SCN11A: variants seen among roughly 807,000 people sequenced by gnomAD.
The protein encoded by SCN11A is sodium channel protein type 11 subunit alpha.
Under a neutral mutation model 162.2 loss-of-function variants are expected in SCN11A, and 122 were observed. That is an observed-to-expected ratio of 0.75 (90% confidence interval 0.65 to 0.87). The LOEUF (loss-of-function observed/expected upper bound fraction) is 0.87. Among genes scored for constraint, SCN11A ranks in the 40% least tolerant of loss-of-function variants. The probability of loss-of-function intolerance (pLI) is 0.00; values close to 1 mark genes in which losing one functional copy is unlikely to be tolerated. For synonymous variants in SCN11A, 758 were observed against 751.5 expected (o/e 1.01, Z -0.14); for missense variants, 2,015 against 2,181.6 (o/e 0.92, Z 1.52).
At chr3:38,879,487 T>C (rs1575237544) in intron 23 of SCN11A, among the ~76,000 whole-genome samples, 2 of 152,182 alleles carry the variant, frequency 1.3e-5, no homozygotes, top group Non-Finnish European at 2.9e-5. Flanking sequence ...ATTCAGAACA[T>C]TGTCATGCAT....
chr3:38,964,984 A>T (rs1181234218), intron 2 of SCN11A, among the ~76,000 whole-genome samples: 2 of 152,228 alleles, frequency 1.3e-5, no homozygotes, highest in African/African-American at 4.8e-5. Context: ...GTGTAGGATG[A>T]GTGCCGCTTA....
intron 22 of SCN11A, among the ~76,000 whole-genome samples, chr3:38,882,897 G>A (rs898925692): frequency 6.6e-5 from 10 of 152,274 alleles, no homozygotes; most frequent in Middle Eastern, 3.4e-3. Context: ...TAGAAGCACT[G>A]CTGTCTAGAG....
rs927662991 is a variant in SCN11A at position 38,994,357 on chromosome 3, T to A, written c.-279-33934A>T. Among the ~76,000 whole-genome samples the A allele has an allele frequency of 1.1e-4, 17 of 152,098 alleles. 1 individual carries two copies. The highest frequency in any genetic ancestry group is 1.1e-3 in the Admixed American group (17 of 15,262). On this transcript the variant is annotated intron_variant, in intron 2 of 29. Coordinates refer to ENST00000302328, the MANE Select transcript of SCN11A (RefSeq NM_001349253.2). ...AGGATACTGAGCGTCACATTTAAGGTGAAATGCTGGACTAGCATAGGAAAT... is the reference window on the plus strand; with the variant it reads ...AGGATACTGAGCGTCACATTTAAGGAGAAATGCTGGACTAGCATAGGAAAT...
At chr3:38,963,384 T>TCC (rs2066756752) in intron 2 of SCN11A, among the ~76,000 whole-genome samples, 1 of 77,286 alleles carries the variant, frequency 1.3e-5, no homozygotes, top group Non-Finnish European at 2.3e-5. Context: ...TATATATATA[T>TCC]ATGATGGAGA....
At chr3:38,917,358 T>A (rs569979499) in intron 11 of SCN11A, among the ~76,000 whole-genome samples, 1 of 152,202 alleles carries the variant, frequency 6.6e-6, no homozygotes, top group Non-Finnish European at 1.5e-5. Flanking sequence ...TAAAGACACA[T>A]GCAAGTGAAA....
chr3:38,992,766 T>G (rs138102860), intron 2 of SCN11A, among the ~76,000 whole-genome samples: 1 of 152,332 alleles, frequency 6.6e-6, no homozygotes, highest in African/African-American at 2.4e-5. Context: ...GTCAAGTAAC[T>G]TGCCAAGCAT....
intron 1 of SCN11A, among the ~76,000 whole-genome samples, chr3:39,049,660 T>C (rs574095184): frequency 1.1e-4 from 16 of 152,300 alleles, no homozygotes; most frequent in African/African-American, 3.8e-4. Flanking sequence ...GCCATTGCCA[T>C]TGCCATTTAT....
chr3:38,998,752 T>C (rs2030719311), intron 2 of SCN11A, among the ~76,000 whole-genome samples: 1 of 151,962 alleles, frequency 6.6e-6, no homozygotes, highest in African/African-American at 2.4e-5. Flanking sequence ...TTCATGTCCT[T>C]TGTAGGGACA....
At chr3:38,997,012 A>C (rs2125596653) in intron 2 of SCN11A, among the ~76,000 whole-genome samples, 1 of 152,248 alleles carries the variant, frequency 6.6e-6, no homozygotes, top group East Asian at 1.9e-4. Flanking sequence ...CAGTTACCAC[A>C]AGTGGCCTCC....
At chr3:38,920,131 C>T (rs1559532098) in intron 10 of SCN11A, 130 bp from the exon 11 acceptor site, 5 of 690,738 alleles carry the variant, frequency 7.2e-6, no homozygotes, top group South Asian at 5.8e-5. Flanking sequence ...GGAGGTGTGT[C>T]CAGAGAGAAA....
intron 19 of SCN11A, among the ~76,000 whole-genome samples, chr3:38,887,448 A>AG (rs1166013985): frequency 7.8e-5 from 6 of 76,454 alleles, no homozygotes; most frequent in Non-Finnish European, 1.5e-4. Context: ...GGGTGGGGGG[A>AG]GGGGGGAGGG....
intron 3 of SCN11A, among the ~76,000 whole-genome samples, chr3:38,955,566 A>G (rs2066670867): frequency 6.6e-6 from 1 of 152,224 alleles, no homozygotes; most frequent in South Asian, 2.1e-4. Context: ...TAATTGGTAA[A>G]ATTTGAAATG....
At chr3:38,913,851 A>G (rs1013992101) in intron 11 of SCN11A, among the ~76,000 whole-genome samples, 2 of 152,074 alleles carry the variant, frequency 1.3e-5, no homozygotes, top group Non-Finnish European at 2.9e-5. Context: ...ATTGATCTAT[A>G]TGACTGTTTT....
intron 2 of SCN11A, among the ~76,000 whole-genome samples, chr3:38,977,003 T>C (rs2066853745): frequency 6.6e-6 from 1 of 152,202 alleles, no homozygotes; most frequent in Non-Finnish European, 1.5e-5. Flanking sequence ...AGAGTGTGGC[T>C]CATTCCAGAG....
intron 2 of SCN11A, among the ~76,000 whole-genome samples, chr3:38,974,709 A>AAAAAAAAAAAAAAAAAG (rs1553647127): frequency 1.5e-5 from 2 of 130,370 alleles, no homozygotes; most frequent in Admixed American, 8.5e-5. Context: ...AAAAAAAAAA[A>AAAAAAAAAAAAAAAAAG]AAAAGAAAAG....
intron 16 of SCN11A, among the ~76,000 whole-genome samples, chr3:38,900,938 T>C (rs1413678288): frequency 6.6e-6 from 1 of 152,206 alleles, no homozygotes; most frequent in East Asian, 1.9e-4. Flanking sequence ...CTGTCTTCCA[T>C]ATCTTTGCAA....
At chr3:38,906,852 TC>T (rs1278442622) in intron 14 of SCN11A, among the ~76,000 whole-genome samples, 1 of 151,996 alleles carries the variant, frequency 6.6e-6, no homozygotes, top group African/African-American at 2.4e-5. Flanking sequence ...TCTTTTGTGA[TC>T]CCCCAACTGA....
At chr3:38,857,980 A>G (rs2064897699) in intron 28 of SCN11A, among the ~76,000 whole-genome samples, 1 of 152,190 alleles carries the variant, frequency 6.6e-6, no homozygotes, top group Non-Finnish European at 1.5e-5. Flanking sequence ...CCAACACTGC[A>G]AGAAATGCAA....
At chr3:38,855,348 C>A (rs146417788) in intron 28 of SCN11A, among the ~76,000 whole-genome samples, 1 of 152,284 alleles carries the variant, frequency 6.6e-6, no homozygotes, top group South Asian at 2.1e-4. Flanking sequence ...TTCCTCATCC[C>A]CCACAGTGGT....
Sources: gnomAD v4.1 joint callset for allele counts (sites outside exome capture counted in the v4.1 genomes callset) on GRCh38, gnomAD v4.1.1 for gene constraint, MANE v1.5 for transcripts, NCBI Gene and HGNC (gene_info 2026-07-23, HGNC 2026-07-21) for gene names.